CCSER1: variants seen among roughly 807,000 people sequenced by gnomAD.
The protein encoded by CCSER1 is coiled-coil serine rich protein 1, also known as serine-rich coiled-coil domain-containing protein 1.
Under a neutral mutation model 82.0 loss-of-function variants are expected in CCSER1, and 41 were observed. The ratio of observed to expected loss-of-function variants is 0.50; its 90% CI spans 0.39 to 0.65. CCSER1 has a LOEUF of 0.65. Among genes scored for constraint, CCSER1 ranks in the 30% least tolerant of loss-of-function variants. The probability of loss-of-function intolerance (pLI) is 0.00; values close to 1 mark genes in which losing one functional copy is unlikely to be tolerated. For synonymous variants in CCSER1, 414 were observed against 383.9 expected, an observed-to-expected ratio of 1.08 and a Z score of -0.92; for missense variants, 1,119 against 1,064.2, an observed-to-expected ratio of 1.05 and a Z score of -0.72.
chr4:91,092,661 G>C (rs1724086028), intron 10 of CCSER1, among the ~76,000 whole-genome samples: 1 of 152,198 alleles, frequency 6.6e-6, no homozygotes, highest in African/African-American at 2.4e-5. Flanking sequence ...CATGACTGCA[G>C]CTCCTAGCAG....
intron 10 of CCSER1, among the ~76,000 whole-genome samples, chr4:91,596,422 T>TC (rs1376858212): frequency 1.3e-5 from 2 of 152,084 alleles, no homozygotes; most frequent in Non-Finnish European, 2.9e-5. Context: ...CCCAATTTTT[T>TC]CCACAATATT....
intron 5 of CCSER1, among the ~76,000 whole-genome samples, chr4:90,606,641 G>A (rs901139901): frequency 2.0e-5 from 3 of 152,052 alleles, no homozygotes; most frequent in Non-Finnish European, 2.9e-5. Context: ...CCTTTATTTT[G>A]AAGTACTGTG....
chr4:90,552,453 G>A (rs1406770329), intron 5 of CCSER1, among the ~76,000 whole-genome samples: 2 of 151,962 alleles, frequency 1.3e-5, no homozygotes, highest in Non-Finnish European at 2.9e-5. Context: ...GCTTTATACT[G>A]TGCTACACAC....
intron 10 of CCSER1, among the ~76,000 whole-genome samples, chr4:91,178,427 T>A: frequency 6.6e-6 from 1 of 152,256 alleles, no homozygotes; most frequent in East Asian, 1.9e-4. Context: ...CTCCCATTAT[T>A]ATTGTGTGAG....
intron 10 of CCSER1, among the ~76,000 whole-genome samples, chr4:91,147,751 A>C (rs1729692400): frequency 6.6e-6 from 1 of 152,220 alleles, no homozygotes. Flanking sequence ...TCAAATGAAA[A>C]TTAGGTAATG....
intron 2 of CCSER1, among the ~76,000 whole-genome samples, chr4:90,310,397 C>G (rs1344160794): frequency 1.3e-5 from 2 of 152,014 alleles, no homozygotes; most frequent in Non-Finnish European, 2.9e-5. Context: ...TTTTTCTCTA[C>G]TATCATTAAT....
chr4:91,133,058 A>T (rs1323476322), intron 10 of CCSER1, among the ~76,000 whole-genome samples: 3 of 152,184 alleles, frequency 2.0e-5, no homozygotes, highest in Admixed American at 2.0e-4. Flanking sequence ...ATTTTTGCTT[A>T]GTATTTAAAA....
chr4:91,331,622 C>G (rs1037061661), intron 10 of CCSER1, among the ~76,000 whole-genome samples: 2 of 152,086 alleles, frequency 1.3e-5, no homozygotes, highest in Non-Finnish European at 2.9e-5. Context: ...CTGACTCTGT[C>G]AAGGGCTTTT....
At chr4:90,788,099 T>C (rs1370837627) in intron 7 of CCSER1, among the ~76,000 whole-genome samples, 6 of 152,184 alleles carry the variant, frequency 3.9e-5, no homozygotes, top group Non-Finnish European at 7.4e-5. Context: ...GCCCATCAAT[T>C]TCTAATATTA....
chr4:90,213,234 G>A (rs1295238186), intron 1 of CCSER1, among the ~76,000 whole-genome samples: 2 of 152,118 alleles, frequency 1.3e-5, no homozygotes, highest in Non-Finnish European at 2.9e-5. Context: ...AATATGAAGT[G>A]TGTGAGAAAG....
At chr4:90,959,818 C>T (rs1346320530) in intron 9 of CCSER1, among the ~76,000 whole-genome samples, 2 of 150,792 alleles carry the variant, frequency 1.3e-5, no homozygotes, top group Non-Finnish European at 2.9e-5. Context: ...ACCTTTAATC[C>T]AGCACCTCTC....
intron 9 of CCSER1, among the ~76,000 whole-genome samples, chr4:90,933,387 C>T (rs1730504586): frequency 4.0e-5 from 6 of 151,664 alleles, no homozygotes; most frequent in Admixed American, 3.3e-4. Flanking sequence ...CGGGGTTTCA[C>T]CGTGTTAGCC....
At chr4:91,097,646 T>C (rs186498184) in intron 10 of CCSER1, among the ~76,000 whole-genome samples, 1 of 152,314 alleles carries the variant, frequency 6.6e-6, no homozygotes, top group East Asian at 1.9e-4. Flanking sequence ...TCAATAACTT[T>C]ATAGACATAC....
At chr4:90,461,357 G>C (rs1474417510) in intron 4 of CCSER1, among the ~76,000 whole-genome samples, 1 of 151,820 alleles carries the variant, frequency 6.6e-6, no homozygotes, top group Non-Finnish European at 1.5e-5. Flanking sequence ...GTGAGCCACC[G>C]CGCCCGGCCC....
At chr4:90,219,992 C>T (rs2153420544) in intron 1 of CCSER1, among the ~76,000 whole-genome samples, 1 of 152,246 alleles carries the variant, frequency 6.6e-6, no homozygotes, top group Non-Finnish European at 1.5e-5. Context: ...TTCCCCTTAT[C>T]TGCAGTTTCG....
intron 10 of CCSER1, among the ~76,000 whole-genome samples, chr4:91,411,331 A>G (rs1018448888): frequency 1.1e-4 from 17 of 151,186 alleles, no homozygotes; most frequent in Admixed American, 6.6e-5. Context: ...ATAAGAATTT[A>G]GTGTCCTTTC....
rs140937241 is a variant in CCSER1, at chr4:90,962,110, G to C, written c.2172+38663G>C. Among the ~76,000 whole-genome samples the C allele has an allele frequency of 3.3e-3, 503 of 152,138 alleles. 7 individuals carry two copies. The highest frequency in any genetic ancestry group is 8.5e-3 in the East Asian group (44 of 5,182). ...ATTTGAGAAGAACTGAGATTTAGAA[G>C]TTCAGTAACTTGTCTATGATAATAC... On this transcript the variant is annotated intron_variant, in intron 9 of 10. Coordinates refer to ENST00000509176, the MANE Select transcript of CCSER1 (RefSeq NM_001145065.2).
At chr4:91,337,100 G>T (rs559997344) in intron 10 of CCSER1, among the ~76,000 whole-genome samples, 1 of 152,124 alleles carries the variant, frequency 6.6e-6, no homozygotes, top group Admixed American at 6.6e-5. Context: ...TCCAACAGCT[G>T]CTAACTATGC....
intron 10 of CCSER1, among the ~76,000 whole-genome samples, chr4:91,405,463 TCTAATTAAACTAAAGAG>T (rs1304492040): frequency 6.6e-6 from 1 of 152,078 alleles, no homozygotes; most frequent in Non-Finnish European, 1.5e-5. Context: ...ACAAATGGGA[TCTAATTAAACTAAAGAG>T]CTTCTGCACA....
Sources: allele counts gnomAD v4.1 joint callset (sites outside exome capture counted in the v4.1 genomes callset), GRCh38; gene constraint gnomAD v4.1.1; transcripts MANE v1.5; gene names NCBI Gene and HGNC (gene_info 2026-07-23, HGNC 2026-07-21).